The following PILRA variants were observed in gnomAD, a reference collection of about 807,000 sequenced individuals.
The protein encoded by PILRA is paired immunoglobin like type 2 receptor alpha.
PILRA carries 37 observed loss-of-function variants against 33.1 expected under a neutral mutation model. That is an observed-to-expected ratio of 1.12 (90% CI 0.86 to 1.47). The LOEUF (loss-of-function observed/expected upper bound fraction) is 1.47. Among genes scored for constraint, PILRA ranks in the 40% most tolerant of loss-of-function variants. PILRA has a pLI of 0.00. For missense variants in PILRA, 312 were observed against 376.2 expected, an observed-to-expected ratio of 0.83 and a Z score of 1.41; for synonymous variants, 146 against 149.9, an observed-to-expected ratio of 0.97 and a Z score of 0.19.
chr7:100,372,798 C>T (rs1240550043), upstream of PILRA, among the ~76,000 whole-genome samples: 2 of 152,162 alleles, frequency 1.3e-5, no homozygotes, highest in Non-Finnish European at 2.9e-5. Context: ...GAGGGGGCTC[C>T]AGTCCTGTAC....
At chr7:100,395,203 G>T in intron 3 of PILRA, among the ~76,000 whole-genome samples, 1 of 152,218 alleles carries the variant, frequency 6.6e-6, no homozygotes, top group East Asian at 1.9e-4. Flanking sequence ...TCTGAAATGT[G>T]TCTCCTCAAA....
At chr7:100,381,088 A>G (rs945081323) in intron 2 of PILRA, among the ~76,000 whole-genome samples, 5 of 151,906 alleles carry the variant, frequency 3.3e-5, no homozygotes, top group Non-Finnish European at 5.9e-5. Context: ...AACAGGGTGA[A>G]GCCCCATCCC....
At chr7:100,399,229 C>A (rs1791579950) in intron 4 of PILRA, 62 bp from the exon 5 acceptor site, 3 of 1,247,608 alleles carry the variant, frequency 2.4e-6, no homozygotes, top group African/African-American at 3.0e-5. Flanking sequence ...GTGCCACCAC[C>A]CAGCCCATGT....
In PILRA at chr7:100,374,405, C is replaced by T. The variant is rs139606576; in HGVS notation, c.426C>T (p.Ile142=). The change falls in exon 2 of 7, where the codon ATC becomes ATT. Residue 142 remains isoleucine, a synonymous_variant. Coordinates refer to ENST00000198536, the MANE Select transcript of PILRA (RefSeq NM_013439.3). ...CAGGGAGGCAGCAGTGGCAGTCCAT[C>T]GAGGGGACCAAACTCTCCATCACCC... is the stretch of plus-strand genomic sequence containing the variant. ...RSSGRQQWQS[I]EGTKLSITQA... 211 of 1,614,086 alleles carry T rather than the reference C, an allele frequency of 1.3e-4. No individual in the cohort carries two copies. The African/African-American group carries it at 2.5e-3, about 19-fold the overall frequency.
Position 100,374,334 on chromosome 7 carries a change from G to A in PILRA, c.355G>A (p.Asp119Asn). ...FLRISNLQKQDQSVYFCRVEL... is the reference protein window; with the variant it reads ...FLRISNLQKQNQSVYFCRVEL... ...CAGGATCTCCAACCTGCAGAAGCAG[G>A]ACCAGTCTGTGTATTTCTGCCGAGT... The change falls in exon 2 of 7, where the codon GAC becomes AAC. Residue 119 changes from aspartate to asparagine, a missense_variant. Coordinates refer to ENST00000198536, the MANE Select transcript of PILRA (RefSeq NM_013439.3). 1 of 1,614,134 alleles carries A rather than the reference G, an allele frequency of 6.2e-7. No homozygotes were observed. Among genetic ancestry groups the A allele is most frequent in the Non-Finnish European group, 8.5e-7 (1 of 1,180,018 alleles).
intron 2 of PILRA, among the ~76,000 whole-genome samples, chr7:100,378,614 T>C (rs539892945): frequency 2.0e-5 from 3 of 152,024 alleles, no homozygotes; most frequent in Non-Finnish European, 4.4e-5. Context: ...ATCATATAAA[T>C]GTCTCATAAG....
intron 2 of PILRA, among the ~76,000 whole-genome samples, chr7:100,382,369 G>C (rs1791126251): frequency 6.6e-6 from 1 of 152,144 alleles, no homozygotes; most frequent in Non-Finnish European, 1.5e-5. Flanking sequence ...AATCTAGTGA[G>C]GACTTGGAGG....
At chr7:100,387,491 G>C (rs766582388) in intron 2 of PILRA, among the ~76,000 whole-genome samples, 4 of 152,160 alleles carry the variant, frequency 2.6e-5, no homozygotes, top group Non-Finnish European at 2.9e-5. Context: ...TGGGATTACA[G>C]GCATGAGCCA....
At chr7:100,385,630 T>TTTTA (rs923804589) in intron 2 of PILRA, among the ~76,000 whole-genome samples, 1 of 152,134 alleles carries the variant, frequency 6.6e-6, no homozygotes, top group Non-Finnish European at 1.5e-5. Flanking sequence ...TATTTTTTAT[T>TTTTA]TTTATTTATT....
intron 2 of PILRA, among the ~76,000 whole-genome samples, chr7:100,379,882 G>C (rs929586279): frequency 1.3e-5 from 2 of 152,116 alleles, no homozygotes; most frequent in African/African-American, 4.8e-5. Flanking sequence ...TGGTTTAGGA[G>C]CCCAGATGAG....
intron 2 of PILRA, among the ~76,000 whole-genome samples, chr7:100,382,432 T>C (rs927555046): frequency 7.2e-5 from 11 of 152,314 alleles, no homozygotes; most frequent in African/African-American, 2.6e-4. Context: ...ACTCTGTATC[T>C]AGCTCAAGGT....
chr7:100,373,372 T>TCGGCAGGAGGACGGGGAC, upstream of PILRA: 1 of 565,792 alleles, frequency 1.8e-6, no homozygotes. Context: ...GCCCAGCCCC[T>TCGGCAGGAGGACGGGGAC]CGGCAGGAGG....
At chr7:100,380,198 A>C (rs893095986) in intron 2 of PILRA, among the ~76,000 whole-genome samples, 3 of 152,192 alleles carry the variant, frequency 2.0e-5, no homozygotes, top group Non-Finnish European at 4.4e-5. Flanking sequence ...ATCCCCCAGC[A>C]CCGGGGACTA....
At chr7:100,375,479 CACA>C (rs1314490502) in intron 2 of PILRA, among the ~76,000 whole-genome samples, 1 of 152,176 alleles carries the variant, frequency 6.6e-6, no homozygotes, top group Non-Finnish European at 1.5e-5. Flanking sequence ...CGCCTGTAAT[CACA>C]ACACTTTGGG....
At chr7:100,399,683 G>C in intron 6 of PILRA, 71 bp downstream of exon 6, 1 of 1,611,204 alleles carries the variant, frequency 6.2e-7, no homozygotes. Context: ...AGGGAGAAGG[G>C]GAGTGTGGTG....
At chr7:100,378,243 T>C (rs1790999143) in intron 2 of PILRA, among the ~76,000 whole-genome samples, 1 of 151,496 alleles carries the variant, frequency 6.6e-6, no homozygotes, top group African/African-American at 2.4e-5. Flanking sequence ...TCCCAGCTAC[T>C]CAGGAGGCTG....
intron 3 of PILRA, among the ~76,000 whole-genome samples, chr7:100,397,587 C>G (rs1272446261): frequency 6.6e-6 from 1 of 151,690 alleles, no homozygotes; most frequent in Non-Finnish European, 1.5e-5. Context: ...GAGGGCTCAG[C>G]GGTGGAGGGA....
chr7:100,375,339 A>T (rs1329324954), intron 2 of PILRA, among the ~76,000 whole-genome samples: 3 of 152,198 alleles, frequency 2.0e-5, no homozygotes, highest in African/African-American at 7.2e-5. Context: ...TAACAAGAGG[A>T]ACTGCTATTC....
chr7:100,387,772 G>A (rs1037171246), intron 2 of PILRA, among the ~76,000 whole-genome samples: 1 of 152,188 alleles, frequency 6.6e-6, no homozygotes, highest in Admixed American at 6.5e-5. Context: ...ATACCCACTC[G>A]TGACTGCAGC....
Sources: allele counts gnomAD v4.1 joint callset (sites outside exome capture counted in the v4.1 genomes callset), GRCh38; gene constraint gnomAD v4.1.1; transcripts MANE v1.5; gene names NCBI Gene and HGNC (gene_info 2026-07-23, HGNC 2026-07-21).